The following ZNF277 variants were observed in gnomAD, a reference collection of about 807,000 sequenced individuals.
ZNF277 encodes zinc finger protein 277, also known as nuclear receptor-interacting factor 4.
A neutral mutation model predicts 60.7 loss-of-function variants in ZNF277; 55 were observed. The observed-to-expected ratio is 0.91, with a 90% confidence interval of 0.73 to 1.13. ZNF277 has a LOEUF of 1.13. ZNF277 is among the 50% of genes most tolerant of loss of function. The pLI is 0.00. For missense variants in ZNF277, 510 were observed against 523.0 expected, an observed-to-expected ratio of 0.98 and a Z score of 0.24; for synonymous variants, 178 against 179.3, an observed-to-expected ratio of 0.99 and a Z score of 0.06.
At chr7:112,321,361 A>G (rs1351499755) in intron 5 of ZNF277, among the ~76,000 whole-genome samples, 3 of 152,114 alleles carry the variant, frequency 2.0e-5, no homozygotes, top group South Asian at 2.1e-4. Context: ...CTTTGCTCCA[A>G]TATAATTTGT....
At chr7:112,232,244 A>G (rs1019902233) in intron 1 of ZNF277, among the ~76,000 whole-genome samples, 1 of 152,012 alleles carries the variant, frequency 6.6e-6, no homozygotes, top group Non-Finnish European at 1.5e-5. Context: ...AGACAAACAG[A>G]AAGTGAATTG....
Position 112,232,042 on chromosome 7 carries a change from C to CATATATATAT in ZNF277, c.91+25268_91+25277dup, listed in dbSNP as rs67934905. Reference sequence around the variant, plus strand: ...GAACTGCCCCTAAAATAAATAAATACATATATATATATATATATATATATA... The same window carrying CATATATATAT: ...GAACTGCCCCTAAAATAAATAAATACATATATATATATATATATATATATATATATATATA... On this transcript the variant is annotated intron_variant, in intron 1 of 11. Coordinates refer to ENST00000361822, the MANE Select transcript of ZNF277 (RefSeq NM_021994.3). Among the ~76,000 whole-genome samples, 344 of 133,140 alleles carry CATATATATAT rather than the reference C, an allele frequency of 2.6e-3. 8 individuals carry two copies. The highest frequency in any genetic ancestry group is 6.3e-3 in the African/African-American group (197 of 31,362). 87.3% of individuals were successfully genotyped at this position (133,140 alleles called of 152,430 possible).
At chr7:112,279,345 C>A (rs1026223466) in intron 1 of ZNF277, among the ~76,000 whole-genome samples, 1 of 152,318 alleles carries the variant, frequency 6.6e-6, no homozygotes, top group East Asian at 1.9e-4. Flanking sequence ...AATGTATCTA[C>A]ATCCTTGCCA....
chr7:112,221,355 G>A (rs964085296), intron 1 of ZNF277, among the ~76,000 whole-genome samples: 2 of 152,146 alleles, frequency 1.3e-5, no homozygotes, highest in South Asian at 4.2e-4. Flanking sequence ...GAGGCTTGCC[G>A]CCATCTTGGA....
intron 1 of ZNF277, among the ~76,000 whole-genome samples, chr7:112,207,634 A>G (rs1821581629): frequency 6.6e-6 from 1 of 152,016 alleles, no homozygotes; most frequent in Non-Finnish European, 1.5e-5. Context: ...CCTTTAGTCT[A>G]TCCCTCCCCC....
At chr7:112,245,539 C>T (rs988057960) in intron 1 of ZNF277, among the ~76,000 whole-genome samples, 6 of 152,168 alleles carry the variant, frequency 3.9e-5, no homozygotes, top group Admixed American at 3.9e-4. Flanking sequence ...CCTCACAATT[C>T]TGGAGGCTGG....
chr7:112,280,751 G>A (rs1294001398), intron 1 of ZNF277, among the ~76,000 whole-genome samples: 1 of 151,550 alleles, frequency 6.6e-6, no homozygotes, highest in African/African-American at 2.4e-5. Flanking sequence ...TCAGCCTCCC[G>A]AGTAGTGGGG....
intron 4 of ZNF277, among the ~76,000 whole-genome samples, chr7:112,301,614 C>T (rs1047990469): frequency 6.6e-6 from 1 of 152,172 alleles, no homozygotes; most frequent in Non-Finnish European, 1.5e-5. Context: ...GCAATCCCCA[C>T]CTGTATAGAT....
chr7:112,246,349 A>G (rs1329699201), intron 1 of ZNF277, among the ~76,000 whole-genome samples: 1 of 152,174 alleles, frequency 6.6e-6, no homozygotes, highest in Non-Finnish European at 1.5e-5. Context: ...AGCCGTGATC[A>G]TGCCACTGCA....
At chr7:112,296,181 A>G in intron 3 of ZNF277, 48 bp from the exon 4 acceptor site, 1 of 1,318,404 alleles carries the variant, frequency 7.6e-7, no homozygotes, top group Non-Finnish European at 1.1e-6. Flanking sequence ...TCTGGGGAAA[A>G]AATGGTTAAT....
At chr7:112,303,447 T>G (rs2117088601) in intron 4 of ZNF277, among the ~76,000 whole-genome samples, 1 of 152,252 alleles carries the variant, frequency 6.6e-6, no homozygotes, top group South Asian at 2.1e-4. Flanking sequence ...TTCTTGTATT[T>G]TCTTTTAAAA....
At chr7:112,342,263 G>A (rs993618539) in intron 11 of ZNF277, among the ~76,000 whole-genome samples, 4 of 152,088 alleles carry the variant, frequency 2.6e-5, no homozygotes, top group Non-Finnish European at 4.4e-5. Flanking sequence ...TTGTTATCAT[G>A]ATAGATGATC....
intron 4 of ZNF277, among the ~76,000 whole-genome samples, chr7:112,302,661 A>C (rs567338427): frequency 6.6e-6 from 1 of 152,184 alleles, no homozygotes; most frequent in East Asian, 1.9e-4. Flanking sequence ...TATTATTCTG[A>C]GTCCTAAGGT....
intron 1 of ZNF277, among the ~76,000 whole-genome samples, chr7:112,238,177 T>C (rs1790852521): frequency 6.6e-6 from 1 of 152,068 alleles, no homozygotes; most frequent in South Asian, 2.1e-4. Flanking sequence ...GGAAAGACAG[T>C]CTTGAATTGT....
At chr7:112,287,287 G>C in intron 2 of ZNF277, 1 of 554,364 alleles carries the variant, frequency 1.8e-6, no homozygotes, top group Non-Finnish European at 3.2e-6. Flanking sequence ...AGGCAGGAGG[G>C]CTGCTTGCAC....
At chr7:112,335,304 T>G (rs1277505831) in intron 7 of ZNF277, among the ~76,000 whole-genome samples, 2 of 152,156 alleles carry the variant, frequency 1.3e-5, no homozygotes, top group Non-Finnish European at 2.9e-5. Context: ...TTTGTGACAT[T>G]GTCTGCTTTT....
chr7:112,213,758 A>G (rs939913293), intron 1 of ZNF277, among the ~76,000 whole-genome samples: 2 of 152,220 alleles, frequency 1.3e-5, no homozygotes, highest in Non-Finnish European at 2.9e-5. Context: ...GACTTTTCTT[A>G]CACATAAATA....
At chr7:112,288,755 T>G (rs1792129723) in intron 2 of ZNF277, 1 of 155,456 alleles carries the variant, frequency 6.4e-6, no homozygotes, top group Non-Finnish European at 1.5e-5. Context: ...CAAAGCTGTG[T>G]TCTCAGTCAA....
At chr7:112,252,414 C>A (rs1220122630) in intron 1 of ZNF277, among the ~76,000 whole-genome samples, 1 of 152,152 alleles carries the variant, frequency 6.6e-6, no homozygotes, top group Non-Finnish European at 1.5e-5. Context: ...AATATTTTTT[C>A]TGTGTGCGGT....
Sources: allele counts gnomAD v4.1 joint callset (sites outside exome capture counted in the v4.1 genomes callset), GRCh38; gene constraint gnomAD v4.1.1; transcripts MANE v1.5; gene names NCBI Gene and HGNC (gene_info 2026-07-23, HGNC 2026-07-21).